The following SRBD1 variants were observed in gnomAD, a reference collection of about 807,000 sequenced individuals.
The protein encoded by SRBD1 is S1 RNA binding domain 1.
Under a neutral mutation model 115.3 loss-of-function variants are expected in SRBD1, and 88 were observed. The ratio of observed to expected loss-of-function variants is 0.76; its 90% CI spans 0.64 to 0.91. The LOEUF (loss-of-function observed/expected upper bound fraction) is 0.91. Ranked by LOEUF, SRBD1 falls within the 40% of genes least tolerant of loss-of-function variation. The pLI is 0.00. For synonymous variants in SRBD1, 509 were observed against 407.7 expected (o/e 1.25, Z -2.99); for missense variants, 1,385 against 1,177.4 (o/e 1.18, Z -2.58).
chr2:45,452,794 G>C (rs1439762381), intron 16 of SRBD1, among the ~76,000 whole-genome samples: 4 of 151,816 alleles, frequency 2.6e-5, no homozygotes, highest in Admixed American at 1.3e-4. Context: ...GTTGTGGTGG[G>C]GGGGCGTAAG....
intron 14 of SRBD1, among the ~76,000 whole-genome samples, chr2:45,530,003 T>C (rs1394751845): frequency 6.6e-6 from 1 of 152,004 alleles, no homozygotes; most frequent in Non-Finnish European, 1.5e-5. Context: ...ATGGCAATGA[T>C]GGCAGCAGCA....
At position 45,567,349 on chromosome 2, in the gene SRBD1, C is replaced by T. The variant is rs538726177; in HGVS notation, c.1306-4593G>A. ...TTTCGGCTGGGTATGGGGGCTCATG[C>T]TCATAATCCCAGCACTTTGAGAGGC... On this transcript the variant is annotated intron_variant, in intron 9 of 20. Coordinates refer to ENST00000263736, the MANE Select transcript of SRBD1 (RefSeq NM_018079.5). Among the ~76,000 whole-genome samples, 11 of 152,210 alleles carry T rather than the reference C, an allele frequency of 7.2e-5. No homozygotes were observed. In the East Asian group the frequency reaches 1.9e-3, roughly 27 times the overall value.
intron 19 of SRBD1, 131 bp downstream of exon 19, chr2:45,412,983 C>T (rs188521900): frequency 1.9e-6 from 2 of 1,028,620 alleles, no homozygotes; most frequent in Middle Eastern, 3.0e-4. Flanking sequence ...CTCAGCAATG[C>T]AGAACTTCTG....
At chr2:45,564,210 T>C (rs549934781) in intron 9 of SRBD1, among the ~76,000 whole-genome samples, 2 of 152,306 alleles carry the variant, frequency 1.3e-5, no homozygotes, top group South Asian at 4.1e-4. Context: ...ATCATCTCAA[T>C]AGATGTGGAA....
chr2:45,396,542 A>C (rs1355215431), intron 19 of SRBD1, among the ~76,000 whole-genome samples: 3 of 152,218 alleles, frequency 2.0e-5, no homozygotes, highest in African/African-American at 7.2e-5. Flanking sequence ...GCAACAAATA[A>C]GCACATCATG....
intron 14 of SRBD1, among the ~76,000 whole-genome samples, chr2:45,501,790 G>C (rs1026478411): frequency 6.6e-6 from 1 of 152,182 alleles, no homozygotes; most frequent in East Asian, 1.9e-4. Flanking sequence ...AAAGCAGCTG[G>C]GAAGCTCGAA....
At chr2:45,568,773 G>A (rs1672915009) in intron 9 of SRBD1, among the ~76,000 whole-genome samples, 1 of 152,122 alleles carries the variant, frequency 6.6e-6, no homozygotes, top group Admixed American at 6.5e-5. Flanking sequence ...CAACATAAAA[G>A]GTGGACAAAA....
chr2:45,479,723 G>C (rs1572685948), intron 15 of SRBD1, among the ~76,000 whole-genome samples: 2 of 152,326 alleles, frequency 1.3e-5, no homozygotes, highest in Admixed American at 1.3e-4. Flanking sequence ...AGAAGATCTA[G>C]TTAAGATCAT....
chr2:45,524,427 G>A (rs995038216), intron 14 of SRBD1, among the ~76,000 whole-genome samples: 5 of 151,848 alleles, frequency 3.3e-5, no homozygotes, highest in African/African-American at 9.7e-5. Flanking sequence ...AAAACTGTTA[G>A]CACTAATAAA....
chr2:45,558,228 G>A (rs1187292010), intron 10 of SRBD1, among the ~76,000 whole-genome samples: 1 of 152,186 alleles, frequency 6.6e-6, no homozygotes, highest in Non-Finnish European at 1.5e-5. Context: ...TAATTTGAAG[G>A]CTGAGGCAGA....
chr2:45,485,278 T>C (rs1670083662), intron 15 of SRBD1, among the ~76,000 whole-genome samples: 1 of 152,226 alleles, frequency 6.6e-6, no homozygotes, highest in African/African-American at 2.4e-5. Flanking sequence ...CTGTATTTTC[T>C]ACAATGCTGT....
rs143120806 is a variant in SRBD1 at position 45,514,145 on chromosome 2, C to T, written c.1875-25814G>A. ...GCAGTAAAGCCATGGGATATGATTA[C>T]GAAAAGTCTGAATTAAAGAATTTAC... On this transcript the variant is annotated intron_variant, in intron 14 of 20. Coordinates refer to ENST00000263736, the MANE Select transcript of SRBD1 (RefSeq NM_018079.5). Among the ~76,000 whole-genome samples, 33 of 152,152 alleles carry T rather than the reference C, an allele frequency of 2.2e-4. No individual in the cohort carries two copies. The East Asian group carries it at 5.8e-3, about 27-fold the overall frequency.
chr2:45,444,941 T>C (rs984871055), intron 16 of SRBD1, among the ~76,000 whole-genome samples: 5 of 152,182 alleles, frequency 3.3e-5, no homozygotes, highest in African/African-American at 1.2e-4. Flanking sequence ...TTGAAAACTT[T>C]GCCAGATGAT....
At chr2:45,605,321 T>C in intron 2 of SRBD1, 41 bp downstream of exon 2, 3 of 1,566,484 alleles carry the variant, frequency 1.9e-6, no homozygotes, top group South Asian at 1.1e-5. Context: ...TATTAAAATA[T>C]TCATCATTCC....
intron 16 of SRBD1, among the ~76,000 whole-genome samples, chr2:45,422,754 G>C (rs1237851838): frequency 6.6e-6 from 1 of 152,190 alleles, no homozygotes; most frequent in Non-Finnish European, 1.5e-5. Flanking sequence ...GCAAAGAGCT[G>C]ATTCTTTCAA....
In SRBD1 at chr2:45,522,112, T is replaced by C. The variant is rs116094068; in HGVS notation, c.1874+24620A>G. Among the ~76,000 whole-genome samples the C allele has an allele frequency of 4.1e-3, 619 of 151,638 alleles. 3 individuals are homozygous for C. Among genetic ancestry groups the C allele is most frequent in the African/African-American group, 0.014 (587 of 41,388 alleles). On this transcript the variant is annotated intron_variant, in intron 14 of 20. Coordinates refer to ENST00000263736, the MANE Select transcript of SRBD1 (RefSeq NM_018079.5). ...ACCCAAGTGTACATCAACAGACAAA[T>C]GGATAAACAAAATATCGTATAGATT...
At chr2:45,460,939 T>C (rs1481175038) in intron 16 of SRBD1, among the ~76,000 whole-genome samples, 2 of 152,196 alleles carry the variant, frequency 1.3e-5, no homozygotes, top group African/African-American at 2.4e-5. Flanking sequence ...AGTTTCAAAG[T>C]AGATACAAAG....
chr2:45,593,685 T>C (rs1297622823), intron 4 of SRBD1, among the ~76,000 whole-genome samples: 1 of 152,164 alleles, frequency 6.6e-6, no homozygotes, highest in Non-Finnish European at 1.5e-5. Context: ...ATTGAGAGAA[T>C]TTTCTATTCT....
At position 45,414,578 on chromosome 2, in the gene SRBD1, A is replaced by G. The variant is rs62127100; in HGVS notation, c.2334-1285T>C. Among the ~76,000 whole-genome samples, 13 of 145,518 alleles carry G rather than the reference A, an allele frequency of 8.9e-5. No homozygotes were observed. In the East Asian group the frequency reaches 2.7e-3, roughly 30 times the overall value. On this transcript the variant is annotated intron_variant, in intron 18 of 20. Transcript: ENST00000263736. ...TAGTGTGTGTACACACATAGTGTGT[A>G]TATAGTGTGTGTGTACACATAGTGT...
Sources: gnomAD v4.1 joint callset for allele counts (sites outside exome capture counted in the v4.1 genomes callset) on GRCh38, gnomAD v4.1.1 for gene constraint, MANE v1.5 for transcripts, NCBI Gene and HGNC (gene_info 2026-07-23, HGNC 2026-07-21) for gene names.